Variants in EVC observed in about 807,000 individuals in gnomAD.
EVC encodes the protein evC complex member EVC.
In EVC, 116 loss-of-function variants were observed where a neutral mutation model predicts 118.9. The observed-to-expected ratio is 0.98, with a 90% CI of 0.84 to 1.14. The LOEUF is 1.14. Among genes scored for constraint, EVC ranks in the 50% most tolerant of loss-of-function variants. EVC has a pLI of 0.00. For missense variants in EVC, 1,401 were observed against 1,246.4 expected (o/e 1.12, Z -1.87); for synonymous variants, 619 against 534.7 (o/e 1.16, Z -2.18).
chr4:5,711,629 C>T, intron 1 of EVC, 75 bp downstream of exon 1: 3 of 1,082,900 alleles, frequency 2.8e-6, no homozygotes, highest in Non-Finnish European at 3.4e-6. Context: ...GGGCCCGGAG[C>T]CCCGGCTCTG....
At chr4:5,808,391 G>A (rs1716353364) in intron 18 of EVC, 64 bp downstream of exon 18, 2 of 1,610,370 alleles carry the variant, frequency 1.2e-6, no homozygotes, top group Admixed American at 1.7e-5. Context: ...AATAGCTGAA[G>A]CCAGCCTGTG....
chr4:5,726,644 A>G (rs1221183667), intron 2 of EVC, among the ~76,000 whole-genome samples: 1 of 147,314 alleles, frequency 6.8e-6, no homozygotes, highest in African/African-American at 2.5e-5. Flanking sequence ...ATATGTATAC[A>G]TGTGCCATGC....
intron 5 of EVC, among the ~76,000 whole-genome samples, chr4:5,739,963 A>T (rs944872657): frequency 3.9e-5 from 6 of 151,984 alleles, no homozygotes; most frequent in Non-Finnish European, 1.5e-5. Context: ...TTATATCTAA[A>T]TGACCATATT....
At position 5,766,576 on chromosome 4, in the gene EVC, C is replaced by T. The variant is rs1410528914; in HGVS notation, c.1563+10214C>T. ...TAGATTTGGTCTTTTCACATAGTCC[C>T]ATATTTCTTGGAGGCTTTGCTCATT... On this transcript the variant is annotated intron_variant, in intron 11 of 20. Transcript: ENST00000264956. 4.0e-5 allele frequency among the ~76,000 whole-genome samples: 5 copies of T among 124,762 alleles called. No homozygotes were observed. In the Admixed American group the frequency reaches 4.0e-4, roughly 10 times the overall value. The allele number at this position is 124,762 out of a possible 152,430, so 81.8% of individuals were successfully genotyped here. A position where few individuals can be genotyped will look rare whatever the true frequency, so the allele number is the denominator to read the frequency against.
chr4:5,733,270 C>G, intron 4 of EVC, 81 bp from the exon 5 acceptor site: 3 of 1,155,946 alleles, frequency 2.6e-6, no homozygotes, highest in Non-Finnish European at 3.9e-6. Context: ...GTGGCTTGTA[C>G]TGATGAGGGA....
At chr4:5,810,558 T>G in intron 20 of EVC, 108 bp downstream of exon 20, 1 of 826,926 alleles carries the variant, frequency 1.2e-6, no homozygotes, top group Non-Finnish European at 2.0e-6. Context: ...CTCAGAGGCA[T>G]TAAATGTGAA....
In EVC at chr4:5,743,366, G is replaced by C. The variant is rs768390158; in HGVS notation, c.801+1552G>C. ...ATTATTCTCGTTACTACTATCACCA[G>C]CCTCTTATTCATCATCCCCTGCCAT... On this transcript the variant is annotated intron_variant, in intron 6 of 20. Coordinates refer to ENST00000264956, the MANE Select transcript of EVC (RefSeq NM_153717.3). This position sits in a 1 kb window ranked among gnomAD's most constrained non-coding sequence, Gnocchi z 4.7. 2.0e-5 allele frequency among the ~76,000 whole-genome samples: 3 copies of C among 152,028 alleles called. No individual in the cohort carries two copies. Among genetic ancestry groups the C allele is most frequent in the Non-Finnish European group, 4.4e-5 (3 of 68,012 alleles).
At chr4:5,739,638 C>G (rs1336661718) in intron 5 of EVC, among the ~76,000 whole-genome samples, 1 of 152,212 alleles carries the variant, frequency 6.6e-6, no homozygotes, top group Non-Finnish European at 1.5e-5. Flanking sequence ...TTCCATATTG[C>G]CTGTATGCCT....
intron 1 of EVC, among the ~76,000 whole-genome samples, chr4:5,716,298 A>G (rs1723949727): frequency 6.6e-6 from 1 of 152,272 alleles, no homozygotes; most frequent in Admixed American, 6.5e-5. Flanking sequence ...CATGAAGGTG[A>G]CAACTGGTTT....
At chr4:5,717,627 G>C (rs985510656) in intron 1 of EVC, among the ~76,000 whole-genome samples, 1 of 151,852 alleles carries the variant, frequency 6.6e-6, no homozygotes, top group South Asian at 2.1e-4. Flanking sequence ...ACCCACGACA[G>C]ACTGCTGCAT....
At chr4:5,732,228 G>A (rs1045453990) in intron 4 of EVC, among the ~76,000 whole-genome samples, 15 of 152,178 alleles carry the variant, frequency 9.9e-5, no homozygotes, top group Non-Finnish European at 1.8e-4. Context: ...GGCTCCGCAC[G>A]TGGTGGGGGC....
In EVC at chr4:5,748,188, T is replaced by G; in HGVS notation, c.980T>G (p.Phe327Cys). Reference sequence around the variant, plus strand: ...AAACAGATGGCAAATATCCAGCACTTTCTTGTGGACCAGTTTAAGTGTTCC... The same window carrying G: ...AAACAGATGGCAAATATCCAGCACTGTCTTGTGGACCAGTTTAAGTGTTCC... ...FWKQMANIQH[F>C]LVDQFKCSSS... is the part of the protein sequence containing the mutation. The change falls in exon 8 of 21, where the codon TTT becomes TGT. Residue 327 changes from phenylalanine to cysteine, a missense_variant. By Grantham distance (205) the Phe-to-Cys change is radical. Transcript: ENST00000264956. The G allele has an allele frequency of 1.2e-6, 2 of 1,614,242 alleles. No homozygotes were observed. The highest frequency in any genetic ancestry group is 1.7e-6 in the Non-Finnish European group (2 of 1,180,052).
At chr4:5,816,484 C>T (rs553523716), downstream of EVC, among the ~76,000 whole-genome samples, 1 of 152,122 alleles carries the variant, frequency 6.6e-6, no homozygotes, top group Non-Finnish European at 1.5e-5. Context: ...CAGCCTGGGC[C>T]CCAGGACTTC....
At chr4:5,766,150 C>G (rs1732827731) in intron 11 of EVC, among the ~76,000 whole-genome samples, 1 of 145,468 alleles carries the variant, frequency 6.9e-6, no homozygotes, top group Non-Finnish European at 1.5e-5. Flanking sequence ...TTTTATTTCT[C>G]CATCACTTAT....
rs1045694573 is a variant in EVC, at chr4:5,808,122, G to A, written c.2562-79G>A. 8.4e-6 allele frequency: 7 copies of A among 832,840 alleles called. 1 individual carries two copies. In the African/African-American group the frequency reaches 2.3e-4, roughly 27 times the overall value. 51.6% of individuals were successfully genotyped at this position (832,840 alleles called of 1,614,324 possible). A position where few individuals can be genotyped will look rare whatever the true frequency, so the allele number is the denominator to read the frequency against. ...GCTCCCAGGGATCAGCAGCCTCCCT[G>A]CCTTCCTTCTCCCTCCCTCCCTCCC... On this transcript the variant is annotated intron_variant, in intron 17 of 20. Transcript: ENST00000264956.
chr4:5,760,044 C>A (rs1039881038), intron 11 of EVC, among the ~76,000 whole-genome samples: 10 of 152,164 alleles, frequency 6.6e-5, no homozygotes, highest in South Asian at 6.2e-4. Context: ...CAGTTGCATT[C>A]TTTTGAGTTT....
At position 5,737,737 on chromosome 4, in the gene EVC, C is replaced by A. The variant is rs1351305057; in HGVS notation, c.703-3979C>A. Among the ~76,000 whole-genome samples the A allele has an allele frequency of 3.3e-5, 5 of 152,122 alleles. No individual in the cohort carries two copies. The stretch of plus-strand genomic sequence containing the variant: ...CACCTACTGCCCAGAAAATAAACTT[C>A]TTTTCAAAATGTTACTGGTCATTTT... On this transcript the variant is annotated intron_variant, in intron 5 of 20. Coordinates refer to ENST00000264956, the MANE Select transcript of EVC (RefSeq NM_153717.3). This position sits in a 1 kb window ranked among gnomAD's most constrained non-coding sequence, Gnocchi z 5.0.
chr4:5,712,229 C>T (rs1723158491), intron 1 of EVC, among the ~76,000 whole-genome samples: 1 of 152,234 alleles, frequency 6.6e-6, no homozygotes, highest in African/African-American at 2.4e-5. Flanking sequence ...AGGCACTGAA[C>T]TAGACCCTCT....
downstream of EVC, among the ~76,000 whole-genome samples, chr4:5,816,573 CCCTT>C (rs1423367975): frequency 3.3e-5 from 5 of 151,128 alleles, no homozygotes; most frequent in African/African-American, 1.2e-4. Flanking sequence ...TCTCTTCACT[CCCTT>C]CCTCCCCTCC....
Sources: allele counts gnomAD v4.1 joint callset (sites outside exome capture counted in the v4.1 genomes callset), GRCh38; gene constraint gnomAD v4.1.1; non-coding constraint Gnocchi (gnomAD v3.1); transcripts MANE v1.5; gene names NCBI Gene and HGNC (gene_info 2026-07-23, HGNC 2026-07-21).